Variants in HTT observed in about 807,000 individuals in gnomAD.
HTT encodes huntingtin, also known as huntington disease protein.
In HTT, 104 loss-of-function variants were observed where a neutral mutation model predicts 362.3. That is an observed-to-expected ratio of 0.29 (90% CI 0.24 to 0.34). The LOEUF (loss-of-function observed/expected upper bound fraction) is 0.34, where lower values mean the gene tolerates loss of function less well. HTT is among the 10% of genes least tolerant of loss of function. The probability of loss-of-function intolerance (pLI) is 1.00; values close to 1 mark genes in which losing one functional copy is unlikely to be tolerated. For synonymous variants in HTT, 1,577 were observed against 1,548.7 expected (o/e 1.02, Z -0.43); for missense variants, 3,301 against 3,928.6 (o/e 0.84, Z 4.27).
Position 3,239,842 on chromosome 4 carries a change from C to G in HTT, c.9216-4C>G. 1 of 1,553,474 alleles carries G rather than the reference C, an allele frequency of 6.4e-7. No homozygotes were observed. The highest frequency in any genetic ancestry group is 8.7e-7 in the Non-Finnish European group (1 of 1,147,784). Reference sequence around the variant, plus strand: ...CCGGCCTTTTTCCTTAACTCCTGCACCAGCCTCCCACATGTCATCAGCAGG... The same window carrying G: ...CCGGCCTTTTTCCTTAACTCCTGCAGCAGCCTCCCACATGTCATCAGCAGG... On this transcript the variant is annotated splice_polypyrimidine_tract_variant and splice_region_variant and intron_variant, in intron 66 of 66. Coordinates refer to ENST00000355072, the MANE Select transcript of HTT (RefSeq NM_001388492.1).
chr4:3,136,603 A>G (rs976782912), intron 21 of HTT, among the ~76,000 whole-genome samples: 1 of 151,952 alleles, frequency 6.6e-6, no homozygotes, highest in African/African-American at 2.4e-5. Flanking sequence ...AGAAGAAAAA[A>G]AAAATCACCT....
intron 64 of HTT, among the ~76,000 whole-genome samples, chr4:3,236,779 T>C (rs1449191659): frequency 6.7e-6 from 1 of 150,294 alleles, no homozygotes; most frequent in Admixed American, 6.6e-5. Context: ...CCCCCACTGC[T>C]GTGCGTGCAT....
In HTT at chr4:3,127,614, C is replaced by A; in HGVS notation, c.1743+10C>A. 5.1e-6 allele frequency: 8 copies of A among 1,574,734 alleles called. No homozygotes were observed. Among genetic ancestry groups the A allele is most frequent in the Non-Finnish European group, 7.0e-6 (8 of 1,147,668 alleles). On this transcript the variant is annotated intron_variant, in intron 12 of 66. Coordinates refer to ENST00000355072, the MANE Select transcript of HTT (RefSeq NM_001388492.1). Reference sequence around the variant, plus strand: ...AGACAGTTCTGAAATTGTAAGTGGGCAGAGGGGCCTGACATCTTTTTTTTT... The same window carrying A: ...AGACAGTTCTGAAATTGTAAGTGGGAAGAGGGGCCTGACATCTTTTTTTTT...
At chr4:3,238,776 C>A in intron 65 of HTT, 42 bp from the exon 66 acceptor site, 2 of 1,453,202 alleles carry the variant, frequency 1.4e-6, no homozygotes, top group Non-Finnish European at 9.3e-7. Flanking sequence ...TGCTTCCCGT[C>A]CCCCCAGCCC....
At chr4:3,082,622 A>C (rs1712971664) in intron 1 of HTT, among the ~76,000 whole-genome samples, 1 of 152,164 alleles carries the variant, frequency 6.6e-6, no homozygotes, top group Admixed American at 6.6e-5. Context: ...TAACAGGTTC[A>C]GTGAGTGACT....
At chr4:3,132,499 T>C in intron 16 of HTT, 63 bp from the exon 17 acceptor site, 1 of 1,398,208 alleles carries the variant, frequency 7.2e-7, no homozygotes, top group South Asian at 1.2e-5. Flanking sequence ...ATTAAGCTTT[T>C]GTTTCGAGTT....
At chr4:3,167,589 T>G (rs1400365548) in intron 29 of HTT, among the ~76,000 whole-genome samples, 1 of 152,212 alleles carries the variant, frequency 6.6e-6, no homozygotes, top group African/African-American at 2.4e-5. Flanking sequence ...TTAACCTTAT[T>G]ATTATGACTG....
At position 3,140,633 on chromosome 4, in the gene HTT, T is replaced by C; in HGVS notation, c.2922T>C (p.His974=). The change falls in exon 22 of 67, where the codon CAT becomes CAC. Residue 974 remains histidine, a synonymous_variant. Transcript: ENST00000355072. ...LLMHETQPPS[H]FSVSTITRIY... Reference sequence around the variant, plus strand: ...TGCATGAGACGCAGCCTCCATCTCATTTCTCCGTCAGCACAATAACCAGGT... The same window carrying C: ...TGCATGAGACGCAGCCTCCATCTCACTTCTCCGTCAGCACAATAACCAGGT... 6.2e-7 allele frequency: 1 copy of C among 1,614,164 alleles called. No individual in the cohort carries two copies. The highest frequency in any genetic ancestry group is 2.2e-5 in the East Asian group (1 of 44,892).
chr4:3,079,861 G>A (rs1712795269), intron 1 of HTT, among the ~76,000 whole-genome samples: 1 of 152,182 alleles, frequency 6.6e-6, no homozygotes. Context: ...CCGGCTGTCG[G>A]CTGTGGGCAG....
intron 40 of HTT, 27 bp from the exon 41 acceptor site, chr4:3,199,705 G>A (rs1425845940): frequency 6.2e-7 from 1 of 1,604,302 alleles, no homozygotes; most frequent in African/African-American, 1.3e-5. Context: ...TGAAAGCAAA[G>A]ACATTTCTCC....
intron 49 of HTT, 66 bp downstream of exon 49, chr4:3,212,775 G>A: frequency 6.5e-7 from 1 of 1,543,254 alleles, no homozygotes; most frequent in Non-Finnish European, 8.9e-7. Flanking sequence ...ACTGAAGAGG[G>A]TAAAGCAGTT....
intron 4 of HTT, among the ~76,000 whole-genome samples, chr4:3,104,193 G>A (rs966725760): frequency 1.3e-5 from 2 of 151,956 alleles, no homozygotes; most frequent in Admixed American, 6.5e-5. Flanking sequence ...CGCCTCCCGG[G>A]TTCAACCGAA....
chr4:3,096,369 A>C (rs988427724), intron 2 of HTT, among the ~76,000 whole-genome samples: 3 of 152,204 alleles, frequency 2.0e-5, no homozygotes, highest in African/African-American at 7.2e-5. Flanking sequence ...CCCCTGTGCA[A>C]CCTCATTGGC....
chr4:3,166,340 A>C (rs1717705194), intron 29 of HTT, among the ~76,000 whole-genome samples: 1 of 152,158 alleles, frequency 6.6e-6, no homozygotes, highest in East Asian at 1.9e-4. Flanking sequence ...GTTGGCCCCT[A>C]CTGGGAGGTG....
chr4:3,099,746 A>G (rs925799362), intron 3 of HTT, among the ~76,000 whole-genome samples: 1 of 141,302 alleles, frequency 7.1e-6, no homozygotes, highest in Non-Finnish European at 1.5e-5. Context: ...GCTCTATTGT[A>G]TGGTTTGGAA....
At chr4:3,108,289 G>A (rs1439077698) in intron 6 of HTT, among the ~76,000 whole-genome samples, 1 of 152,194 alleles carries the variant, frequency 6.6e-6, no homozygotes, top group Admixed American at 6.5e-5. Flanking sequence ...CTTGAGCTTC[G>A]AAGTTTTCTT....
At position 3,131,396 on chromosome 4, in the gene HTT, T is replaced by C. The variant is rs774843202; in HGVS notation, c.2097T>C (p.Asn699=). 4 of 1,608,090 alleles carry C rather than the reference T, an allele frequency of 2.5e-6. No homozygotes were observed. The Admixed American group carries it at 6.7e-5, about 27-fold the overall frequency. ...CGTTTTTGCTAACAGGGGGAAAAAA[T>C]GGTGAGTACAAAAGGGGATGTGCAC... is the stretch of plus-strand genomic sequence containing the variant. ...SASFLLTGGK[N]VLVPDRDVRV... is the part of the protein sequence containing the mutation. Residue 699 remains asparagine (N), a splice_region_variant and synonymous_variant, in exon 15 of 67, where the codon AAT becomes AAC. Transcript: ENST00000355072.
chr4:3,174,618 C>A (rs561040410), intron 31 of HTT, 103 bp from the exon 32 acceptor site: 3 of 845,036 alleles, frequency 3.6e-6, no homozygotes, highest in African/African-American at 3.3e-5. Flanking sequence ...ACGTTCTGAT[C>A]GTGTGAATGT....
In HTT at chr4:3,148,058, C is replaced by T. The variant is rs760579913; in HGVS notation, c.3349C>T (p.Pro1117Ser). 2 of 1,614,066 alleles carry T rather than the reference C, an allele frequency of 1.2e-6. No homozygotes were observed. The highest frequency in any genetic ancestry group is 1.3e-5 in the African/African-American group (1 of 75,024). ...SSWASEEEAN[P>S]AATKQEEVWP... ...ATGGGCCTCTGAAGAAGAAGCCAAC[C>T]CAGCAGCCACCAAGCAAGAGGAGGT... The change falls in exon 26 of 67, where the codon CCA (proline) becomes TCA (serine). Residue 1117 changes from proline to serine, a missense_variant. This residue lies in a region of HTT where 2,316 missense variants were observed against 2,658.5 expected (regional missense o/e 0.87). Coordinates refer to ENST00000355072, the MANE Select transcript of HTT (RefSeq NM_001388492.1).
Sources: allele counts gnomAD v4.1 joint callset (sites outside exome capture counted in the v4.1 genomes callset), GRCh38; gene constraint gnomAD v4.1.1; regional missense constraint gnomAD v4.1.1; transcripts MANE v1.5; gene names NCBI Gene and HGNC (gene_info 2026-07-23, HGNC 2026-07-21).